Variants in DPP6 observed in about 807,000 individuals in gnomAD.
DPP6 encodes the protein A-type potassium channel modulatory protein DPP6.
In DPP6, 69 loss-of-function variants were observed where a neutral mutation model predicts 122.6. That is an observed-to-expected ratio of 0.56 (90% CI 0.46 to 0.69). The LOEUF is 0.69. Among genes scored for constraint, DPP6 ranks in the 30% least tolerant of loss-of-function variants. DPP6 has a pLI of 0.00. For missense variants in DPP6, 928 were observed against 1,116.9 expected (o/e 0.83, Z 2.41); for synonymous variants, 418 against 433.1 (o/e 0.97, Z 0.43).
chr7:153,922,923 C>T (rs916828239), intron 1 of DPP6, among the ~76,000 whole-genome samples: 4 of 152,212 alleles, frequency 2.6e-5, no homozygotes, highest in South Asian at 2.1e-4. Flanking sequence ...GAAAAGGCAA[C>T]GCAGACACCT....
chr7:154,672,660 G>A (rs1290060684), intron 7 of DPP6, among the ~76,000 whole-genome samples: 2 of 152,192 alleles, frequency 1.3e-5, no homozygotes, highest in African/African-American at 4.8e-5. Flanking sequence ...CTATATACTT[G>A]TGGAACTTTT....
rs1196770732 is a variant in DPP6 at position 154,821,328 on chromosome 7, T to G, written c.1666+14216T>G. The stretch of plus-strand genomic sequence containing the variant: ...GCCTCACTTACTCATTTTAAGCTTA[T>G]TTTATTTTTATCTGTGCATTCATAT... On this transcript the variant is annotated intron_variant, in intron 16 of 25. Transcript: ENST00000377770. The surrounding 1 kb of genome is among the most constrained non-coding windows in gnomAD (Gnocchi z 4.2). Among the ~76,000 whole-genome samples, 1 of 152,172 alleles carries G rather than the reference T, an allele frequency of 6.6e-6. No individual in the cohort carries two copies. Among genetic ancestry groups the G allele is most frequent in the African/African-American group, 2.4e-5 (1 of 41,440 alleles).
At chr7:154,681,512 G>T (rs1324114520) in intron 7 of DPP6, among the ~76,000 whole-genome samples, 1 of 152,206 alleles carries the variant, frequency 6.6e-6, no homozygotes, top group African/African-American at 2.4e-5. Flanking sequence ...CACCACACTT[G>T]CGGCCATGGC....
intron 3 of DPP6, among the ~76,000 whole-genome samples, chr7:154,504,769 G>A (rs886400504): frequency 1.3e-5 from 2 of 150,664 alleles, no homozygotes; most frequent in Admixed American, 1.3e-4. Context: ...AAGACAAAAC[G>A]GTAATGGAAA....
chr7:153,890,318 A>AT (rs1799133051), intron 1 of DPP6, among the ~76,000 whole-genome samples: 1 of 152,204 alleles, frequency 6.6e-6, no homozygotes, highest in African/African-American at 2.4e-5. Flanking sequence ...CACTGCCCAA[A>AT]TGGTCACGGA....
At chr7:154,230,265 A>G (rs1230200596) in intron 1 of DPP6, among the ~76,000 whole-genome samples, 1 of 152,216 alleles carries the variant, frequency 6.6e-6, no homozygotes, top group East Asian at 1.9e-4. Context: ...CCCACTCTTA[A>G]TAGGAAGTAG....
At chr7:154,364,812 T>C (rs1484442631) in intron 1 of DPP6, among the ~76,000 whole-genome samples, 1 of 152,226 alleles carries the variant, frequency 6.6e-6, no homozygotes, top group African/African-American at 2.4e-5. Context: ...ATGTTACCTA[T>C]GTTGGGAGTT....
At chr7:154,135,490 C>A (rs1795504600) in intron 1 of DPP6, among the ~76,000 whole-genome samples, 1 of 152,094 alleles carries the variant, frequency 6.6e-6, no homozygotes, top group Admixed American at 6.5e-5. Context: ...CACTTCCTAT[C>A]TGTGCACTTC....
chr7:154,552,787 C>T (rs1252168326), intron 4 of DPP6, among the ~76,000 whole-genome samples: 2 of 152,170 alleles, frequency 1.3e-5, no homozygotes, highest in African/African-American at 4.8e-5. Flanking sequence ...TCTGAGTTGT[C>T]CTTTTCATTG....
chr7:154,300,901 A>C (rs898959916), intron 1 of DPP6, among the ~76,000 whole-genome samples: 2 of 152,180 alleles, frequency 1.3e-5, no homozygotes, highest in African/African-American at 4.8e-5. Context: ...TACGGTCTTT[A>C]AAGAGGTGAA....
the DPP6 span, among the ~76,000 whole-genome samples, chr7:153,819,014 T>A: frequency 6.8e-6 from 1 of 147,652 alleles, no homozygotes; most frequent in Non-Finnish European, 1.5e-5. Flanking sequence ...CCTCCCAAAT[T>A]GCTGGGATTA....
At chr7:153,769,047 A>G in the DPP6 span, among the ~76,000 whole-genome samples, 1 of 152,208 alleles carries the variant, frequency 6.6e-6, no homozygotes, top group Admixed American at 6.5e-5. Context: ...ACCATACAGT[A>G]GAATTGTCTT....
the DPP6 span, among the ~76,000 whole-genome samples, chr7:153,878,378 CAA>C: frequency 4.2e-5 from 6 of 142,078 alleles, no homozygotes; most frequent in Non-Finnish European, 7.7e-5. Flanking sequence ...CCTATCCAAG[CAA>C]AAAAAAAAAA....
intron 1 of DPP6, among the ~76,000 whole-genome samples, chr7:154,396,013 A>T (rs890884767): frequency 6.6e-6 from 1 of 151,264 alleles, no homozygotes; most frequent in African/African-American, 2.4e-5. Flanking sequence ...ATCAATTGAG[A>T]TTATTACATT....
At chr7:154,082,655 C>G (rs1235178646) in intron 1 of DPP6, among the ~76,000 whole-genome samples, 1 of 151,862 alleles carries the variant, frequency 6.6e-6, no homozygotes, top group Admixed American at 6.6e-5. Context: ...ACCCTCACCC[C>G]TTCCTCCACT....
intron 5 of DPP6, among the ~76,000 whole-genome samples, chr7:154,628,815 A>G (rs1457065996): frequency 6.6e-6 from 1 of 152,178 alleles, no homozygotes; most frequent in Admixed American, 6.5e-5. Flanking sequence ...ATGACAGTGG[A>G]TGGAATTAAT....
At chr7:154,189,480 G>C (rs919137994) in intron 1 of DPP6, among the ~76,000 whole-genome samples, 2 of 152,170 alleles carry the variant, frequency 1.3e-5, no homozygotes, top group African/African-American at 4.8e-5. Context: ...CAAGGTGGCT[G>C]ATAACTGTCA....
Position 154,172,168 on chromosome 7 carries a change from C to CCTGCCT in DPP6, c.243+119105_243+119106insCTGCCT, listed in dbSNP as rs1563275515. Among the ~76,000 whole-genome samples the CCTGCCT allele has an allele frequency of 5.0e-3, 582 of 115,560 alleles. 3 individuals are homozygous for CCTGCCT. Among genetic ancestry groups the CCTGCCT allele is most frequent in the African/African-American group, 0.018 (561 of 31,882 alleles). The allele number at this position is 115,560 out of a possible 152,430, so 75.8% of individuals were successfully genotyped here. On this transcript the variant is annotated intron_variant, in intron 1 of 25. Coordinates refer to ENST00000377770, the MANE Select transcript of DPP6 (RefSeq NM_130797.4). Reference sequence around the variant, plus strand: ...TTCTTCCCTGCCTGCCTGCCTGCCACAGGTGTTTAATGAACATCAACTATG... The same window carrying CCTGCCT: ...TTCTTCCCTGCCTGCCTGCCTGCCACCTGCCTAGGTGTTTAATGAACATCAACTATG...
intron 1 of DPP6, among the ~76,000 whole-genome samples, chr7:154,254,736 C>G (rs569147359): frequency 7.9e-5 from 12 of 152,054 alleles, no homozygotes; most frequent in Admixed American, 3.3e-4. Context: ...CACATTTTCA[C>G]TGGGTTAGGA....
Sources: gnomAD v4.1 joint callset for allele counts (sites outside exome capture counted in the v4.1 genomes callset) on GRCh38, gnomAD v4.1.1 for gene constraint, Gnocchi (gnomAD v3.1) non-coding constraint, MANE v1.5 for transcripts, NCBI Gene and HGNC (gene_info 2026-07-23, HGNC 2026-07-21) for gene names.